The following RBFOX1 variants were observed in gnomAD, a reference collection of about 807,000 sequenced individuals.
RBFOX1 encodes the protein RNA binding fox-1 homolog 1.
A neutral mutation model predicts 57.7 loss-of-function variants in RBFOX1; 8 were observed. The ratio of observed to expected loss-of-function variants is 0.14; its 90% CI spans 0.08 to 0.25. RBFOX1 has a LOEUF of 0.25. Ranked by LOEUF, RBFOX1 falls within the 10% of genes least tolerant of loss-of-function variation. The pLI is 1.00. For synonymous variants in RBFOX1, 326 were observed against 222.4 expected (o/e 1.47, Z -4.15); for missense variants, 611 against 548.5 (o/e 1.11, Z -1.14).
chr16:5,421,643 G>C (rs1226088548), intron 1 of RBFOX1, among the ~76,000 whole-genome samples: 1 of 152,212 alleles, frequency 6.6e-6, no homozygotes, highest in Non-Finnish European at 1.5e-5. Flanking sequence ...GGAACACAGA[G>C]GCTCCAGAGC....
chr16:5,315,917 G>T (rs1224573738), intron 1 of RBFOX1, among the ~76,000 whole-genome samples: 1 of 152,088 alleles, frequency 6.6e-6, no homozygotes, highest in Non-Finnish European at 1.5e-5. Flanking sequence ...CCTGTCTTTG[G>T]AGAGTCACCT....
intron 3 of RBFOX1, among the ~76,000 whole-genome samples, chr16:6,839,989 G>T (rs973420820): frequency 8.6e-5 from 13 of 152,002 alleles, no homozygotes; most frequent in Non-Finnish European, 5.9e-5. Context: ...GAAATATTTG[G>T]TATAAACAAA....
At chr16:6,392,747 A>T (rs2092661809) in intron 2 of RBFOX1, among the ~76,000 whole-genome samples, 1 of 152,362 alleles carries the variant, frequency 6.6e-6, no homozygotes, top group East Asian at 1.9e-4. Flanking sequence ...TGGTATGCTA[A>T]ATTCCCTCCT....
At chr16:5,240,920 G>A (rs1044868429) in intron 1 of RBFOX1, among the ~76,000 whole-genome samples, 1 of 152,212 alleles carries the variant, frequency 6.6e-6, no homozygotes, top group Admixed American at 6.5e-5. Context: ...GCAGATGAGG[G>A]CCCCCTGGAG....
intron 3 of RBFOX1, among the ~76,000 whole-genome samples, chr16:6,823,920 G>C (rs4786123): frequency 0.74 from 113,118 of 152,074 alleles, 42,128 homozygotes; most frequent in East Asian, 0.87. Flanking sequence ...TTACACGTAA[G>C]AAATCAGTGT....
intron 3 of RBFOX1, among the ~76,000 whole-genome samples, chr16:5,681,507 G>C (rs372987015): frequency 5.0e-4 from 75 of 151,366 alleles, no homozygotes; most frequent in African/African-American, 1.8e-3. Context: ...TCCTGCCTCA[G>C]CCTCTGGAGT....
chr16:7,665,126 G>A (rs2068847482), intron 13 of RBFOX1, among the ~76,000 whole-genome samples, 158 bp downstream of exon 13: 2 of 152,146 alleles, frequency 1.3e-5, no homozygotes, highest in African/African-American at 4.8e-5. Context: ...AAAGCCTTCT[G>A]CTCTTGAACT....
At chr16:6,882,634 G>C (rs931507607) in intron 3 of RBFOX1, among the ~76,000 whole-genome samples, 1 of 152,098 alleles carries the variant, frequency 6.6e-6, no homozygotes, top group African/African-American at 2.4e-5. Context: ...CATGTTTGCA[G>C]AGTCCTCAGT....
At chr16:6,776,175 G>A (rs187068663) in intron 3 of RBFOX1, among the ~76,000 whole-genome samples, 7 of 152,200 alleles carry the variant, frequency 4.6e-5, no homozygotes, top group Non-Finnish European at 8.8e-5. Flanking sequence ...ACTTTGGGAG[G>A]CCAGTGCAGA....
rs183980810 is a variant in RBFOX1 at position 6,072,141 on chromosome 16, A to G, written c.-127+52149A>G. Among the ~76,000 whole-genome samples the G allele has an allele frequency of 2.2e-4, 34 of 152,334 alleles. No individual in the cohort carries two copies. The East Asian group carries it at 6.4e-3, about 28-fold the overall frequency. On this transcript the variant is annotated intron_variant, in intron 1 of 15. Coordinates refer to ENST00000550418, the MANE Select transcript of RBFOX1 (RefSeq NM_018723.4). ...GGCACATCTTACATGGCTGCAGGCA[A>G]GAGAGCTTGTTCAGGGGAACTGCCC...
chr16:6,938,825 G>A (rs183720323), intron 3 of RBFOX1, among the ~76,000 whole-genome samples: 7 of 152,222 alleles, frequency 4.6e-5, no homozygotes, highest in Admixed American at 3.3e-4. Context: ...CCAGCTACTC[G>A]GTAGGCTGAG....
chr16:7,536,386 G>C (rs181350832), intron 5 of RBFOX1, among the ~76,000 whole-genome samples: 4 of 152,134 alleles, frequency 2.6e-5, no homozygotes, highest in Non-Finnish European at 5.9e-5. Flanking sequence ...TTGAGGCAAG[G>C]AGTTCAAGAC....
intron 2 of RBFOX1, among the ~76,000 whole-genome samples, chr16:6,645,334 T>G (rs904802425): frequency 6.6e-6 from 1 of 152,158 alleles, no homozygotes; most frequent in Non-Finnish European, 1.5e-5. Context: ...GGGCTGCTGT[T>G]GAACCCCGTG....
intron 1 of RBFOX1, among the ~76,000 whole-genome samples, chr16:6,052,838 T>A (rs199590265): frequency 8.0e-5 from 7 of 87,208 alleles, no homozygotes; most frequent in African/African-American, 1.7e-4. Context: ...AATAATAATA[T>A]TAATGCCTAT....
chr16:6,642,459 C>T (rs114702180), intron 2 of RBFOX1, among the ~76,000 whole-genome samples: 1,829 of 152,086 alleles, frequency 0.012, 40 homozygotes, highest in African/African-American at 0.041. Context: ...ACAGGGATGC[C>T]GTTCTCGGTA....
chr16:7,282,897 C>A (rs114942380), intron 4 of RBFOX1, among the ~76,000 whole-genome samples: 3,973 of 152,246 alleles, frequency 0.026, 171 homozygotes, highest in African/African-American at 0.089. Context: ...CAGGTTGCTG[C>A]AACTGCGATT....
intron 1 of RBFOX1, among the ~76,000 whole-genome samples, chr16:5,462,615 G>A (rs1308899865): frequency 6.6e-6 from 1 of 152,208 alleles, no homozygotes; most frequent in African/African-American, 2.4e-5. Context: ...CTAAAAATGT[G>A]GTATTTTTAG....
At chr16:6,257,759 C>T (rs1412816675) in intron 1 of RBFOX1, among the ~76,000 whole-genome samples, 2 of 152,084 alleles carry the variant, frequency 1.3e-5, no homozygotes, top group Non-Finnish European at 2.9e-5. Flanking sequence ...TGATCATGTT[C>T]TTTTTTATGG....
intron 4 of RBFOX1, among the ~76,000 whole-genome samples, chr16:7,245,471 G>A (rs1182187219): frequency 1.3e-5 from 2 of 150,868 alleles, no homozygotes; most frequent in African/African-American, 4.9e-5. Context: ...ACCATACCTG[G>A]GGGTGTTATC....
Sources: allele counts gnomAD v4.1 joint callset (sites outside exome capture counted in the v4.1 genomes callset), GRCh38; gene constraint gnomAD v4.1.1; transcripts MANE v1.5; gene names NCBI Gene and HGNC (gene_info 2026-07-23, HGNC 2026-07-21).